The following ELP4 variants were observed in gnomAD, a reference collection of about 807,000 sequenced individuals.
The protein encoded by ELP4 is elongator acetyltransferase complex subunit 4.
In ELP4, 51 loss-of-function variants were observed where a neutral mutation model predicts 48.9. That is an observed-to-expected ratio of 1.04 (90% CI 0.83 to 1.32). ELP4 has a LOEUF of 1.32. ELP4 is among the 40% of genes most tolerant of loss of function. ELP4 has a pLI of 0.00. For missense variants in ELP4, 519 were observed against 514.6 expected, an observed-to-expected ratio of 1.01 and a Z score of -0.08; for synonymous variants, 210 against 189.2, an observed-to-expected ratio of 1.11 and a Z score of -0.90.
At chr11:31,549,952 C>G (rs1956813566) in intron 3 of ELP4, among the ~76,000 whole-genome samples, 1 of 151,866 alleles carries the variant, frequency 6.6e-6, no homozygotes, top group Non-Finnish European at 1.5e-5. Context: ...CACATGGACA[C>G]AGGAAGGGGA....
chr11:31,681,500 C>G (rs1310713884), intron 9 of ELP4, among the ~76,000 whole-genome samples: 2 of 151,922 alleles, frequency 1.3e-5, no homozygotes, highest in Non-Finnish European at 2.9e-5. Context: ...GATAGATGTG[C>G]AAAAATCAAT....
chr11:31,570,090 G>A (rs1266226158), intron 3 of ELP4, among the ~76,000 whole-genome samples: 1 of 152,282 alleles, frequency 6.6e-6, no homozygotes, highest in East Asian at 1.9e-4. Flanking sequence ...ATTCTCAATA[G>A]CAAAGACATG....
At chr11:31,674,724 G>T (rs899646079) in intron 9 of ELP4, among the ~76,000 whole-genome samples, 1 of 152,192 alleles carries the variant, frequency 6.6e-6, no homozygotes, top group Non-Finnish European at 1.5e-5. Flanking sequence ...CAGTCTTCAC[G>T]TAAGGGCTGT....
At chr11:31,657,523 A>G (rs967072793) in intron 9 of ELP4, among the ~76,000 whole-genome samples, 1 of 152,022 alleles carries the variant, frequency 6.6e-6, no homozygotes, top group African/African-American at 2.4e-5. Context: ...CTCCATAAAT[A>G]TTTGTTAAAT....
At chr11:31,514,228 A>G (rs1009730747) in intron 1 of ELP4, among the ~76,000 whole-genome samples, 1 of 152,164 alleles carries the variant, frequency 6.6e-6, no homozygotes, top group Non-Finnish European at 1.5e-5. Context: ...GGAAGCCAAG[A>G]TGGGTGGATT....
At chr11:31,770,227 C>T in intron 9 of ELP4, among the ~76,000 whole-genome samples, 1 of 152,080 alleles carries the variant, frequency 6.6e-6, no homozygotes, top group East Asian at 1.9e-4. Flanking sequence ...AGTTGGAGAC[C>T]AGCAAAAAGG....
intron 3 of ELP4, chr11:31,541,487 T>TAC (rs1301972537): frequency 1.3e-5 from 2 of 152,374 alleles, no homozygotes; most frequent in Admixed American, 1.3e-4. Context: ...GTAAGTAAGC[T>TAC]ACACAGGTTC....
chr11:31,510,502 A>C (rs1955970700), intron 1 of ELP4: 1 of 407,502 alleles, frequency 2.5e-6, no homozygotes, highest in African/African-American at 2.0e-5. Context: ...CTAAATCTTA[A>C]AACATTTTGG....
chr11:31,547,355 C>T (rs1268066238), intron 3 of ELP4, among the ~76,000 whole-genome samples: 3 of 152,168 alleles, frequency 2.0e-5, no homozygotes, highest in Non-Finnish European at 4.4e-5. Context: ...ATACTACAAA[C>T]ACCTCTACGC....
intron 5 of ELP4, among the ~76,000 whole-genome samples, chr11:31,625,728 T>C (rs563320618): frequency 6.6e-6 from 1 of 151,990 alleles, no homozygotes; most frequent in South Asian, 2.1e-4. Context: ...TCTGAAAGCT[T>C]GCAGCTTTTA....
intron 3 of ELP4, among the ~76,000 whole-genome samples, chr11:31,551,068 C>G (rs1343809271): frequency 1.3e-5 from 2 of 152,174 alleles, no homozygotes; most frequent in Admixed American, 1.3e-4. Context: ...CCATTGAAAG[C>G]TCTGCTCTTT....
chr11:31,510,104 C>A, intron 1 of ELP4, 97 bp downstream of exon 1: 1 of 1,143,426 alleles, frequency 8.7e-7, no homozygotes, highest in Non-Finnish European at 1.3e-6. Flanking sequence ...TTTCTGACCC[C>A]TAAACCTTCG....
rs371929125 is a variant in ELP4 at position 31,703,523 on chromosome 11, G to T, written c.1143+53302G>T. ...AGAATTTGAAGCAGTTACCTAATTTGCTCTTATTGTCACCATTTTATTGAA... is the reference window on the plus strand; with the variant it reads ...AGAATTTGAAGCAGTTACCTAATTTTCTCTTATTGTCACCATTTTATTGAA... On this transcript the variant is annotated intron_variant, in intron 9 of 9. Transcript: ENST00000640961. 2.6e-5 allele frequency among the ~76,000 whole-genome samples: 4 copies of T among 152,028 alleles called. No homozygotes were observed. In the East Asian group the frequency reaches 7.7e-4, roughly 29 times the overall value.
At chr11:31,704,982 A>G (rs1007499404) in intron 9 of ELP4, among the ~76,000 whole-genome samples, 9 of 151,152 alleles carry the variant, frequency 6.0e-5, no homozygotes, top group Admixed American at 1.3e-4. Context: ...CTGCACGCCA[A>G]CCTGGGAACA....
chr11:31,679,690 G>A (rs1442687781), intron 9 of ELP4, among the ~76,000 whole-genome samples: 1 of 152,148 alleles, frequency 6.6e-6, no homozygotes, highest in Non-Finnish European at 1.5e-5. Context: ...GAATTTTGAA[G>A]GGACACAATT....
At chr11:31,709,774 T>C (rs1946703031) in intron 9 of ELP4, among the ~76,000 whole-genome samples, 1 of 152,224 alleles carries the variant, frequency 6.6e-6, no homozygotes, top group Non-Finnish European at 1.5e-5. Context: ...TCAATGTATG[T>C]TAGCCAAAAC....
chr11:31,632,155 A>G (rs1295736722), intron 6 of ELP4, 62 bp from the exon 7 acceptor site: 4 of 1,356,306 alleles, frequency 2.9e-6, no homozygotes, highest in Non-Finnish European at 4.0e-6. Context: ...CTGACAGATA[A>G]AAGTGGTATT....
At chr11:31,690,921 A>C (rs558038672) in intron 9 of ELP4, among the ~76,000 whole-genome samples, 1 of 151,514 alleles carries the variant, frequency 6.6e-6, no homozygotes, top group Non-Finnish European at 1.5e-5. Flanking sequence ...GTTTAGAAAC[A>C]ATTTTATACT....
At chr11:31,603,666 C>T (rs963233030) in intron 4 of ELP4, 102 bp from the exon 5 acceptor site, 90 of 1,264,924 alleles carry the variant, frequency 7.1e-5, no homozygotes, top group Non-Finnish European at 5.4e-5. Context: ...TCCTTATTAG[C>T]TTAAAATTCA....
Sources: allele counts gnomAD v4.1 joint callset (sites outside exome capture counted in the v4.1 genomes callset), GRCh38; gene constraint gnomAD v4.1.1; transcripts MANE v1.5; gene names NCBI Gene and HGNC (gene_info 2026-07-23, HGNC 2026-07-21).